Variants in TRDN observed in about 807,000 individuals in gnomAD.
TRDN encodes triadin, also known as triadin in skeletal muscle.
Under a neutral mutation model 149.7 loss-of-function variants are expected in TRDN, and 161 were observed. That is an observed-to-expected ratio of 1.08 (90% CI 0.95 to 1.23). The LOEUF is 1.23. TRDN is among the 50% of genes most tolerant of loss of function. TRDN has a pLI of 0.00. For synonymous variants in TRDN, 294 were observed against 250.5 expected, an observed-to-expected ratio of 1.17 and a Z score of -1.64; for missense variants, 896 against 823.5, an observed-to-expected ratio of 1.09 and a Z score of -1.08.
chr6:123,451,220 C>T (rs1052501468), intron 10 of TRDN, among the ~76,000 whole-genome samples: 5 of 151,628 alleles, frequency 3.3e-5, no homozygotes, highest in African/African-American at 1.2e-4. Context: ...CAAACCCAAA[C>T]CCAGCAGAAG....
At chr6:123,416,262 C>G (rs1450307341) in intron 12 of TRDN, among the ~76,000 whole-genome samples, 9 of 152,156 alleles carry the variant, frequency 5.9e-5, no homozygotes, top group African/African-American at 1.9e-4. Flanking sequence ...TCAGACCTCA[C>G]TCAGGATAAT....
chr6:123,357,128 C>A (rs940405712), intron 20 of TRDN, among the ~76,000 whole-genome samples: 2 of 151,714 alleles, frequency 1.3e-5, no homozygotes, highest in African/African-American at 4.8e-5. Flanking sequence ...TACATTTGTT[C>A]ATTAGATCTC....
At chr6:123,239,695 T>C (rs912890732) in intron 38 of TRDN, among the ~76,000 whole-genome samples, 1 of 152,150 alleles carries the variant, frequency 6.6e-6, no homozygotes, top group East Asian at 1.9e-4. Context: ...ATGCTTAACA[T>C]TGAATTGTAA....
At chr6:123,502,924 T>G in intron 8 of TRDN, 1 of 985,240 alleles carries the variant, frequency 1.0e-6, no homozygotes, top group Non-Finnish European at 1.2e-6. Flanking sequence ...AAAGAAACAT[T>G]CAATAAGGGC....
At chr6:123,272,896 C>T in intron 29 of TRDN, 68 bp downstream of exon 29, 1 of 1,165,778 alleles carries the variant, frequency 8.6e-7, no homozygotes. Context: ...TGACTCTAAA[C>T]TCTTCCTTCT....
At chr6:123,630,056 G>C (rs1056206978) in intron 1 of TRDN, among the ~76,000 whole-genome samples, 1 of 151,900 alleles carries the variant, frequency 6.6e-6, no homozygotes, top group South Asian at 2.1e-4. Context: ...ACTTAACCTT[G>C]ACAAATCTTC....
chr6:123,417,663 T>A (rs1467627075), intron 12 of TRDN, among the ~76,000 whole-genome samples: 1 of 152,154 alleles, frequency 6.6e-6, no homozygotes, highest in African/African-American at 2.4e-5. Flanking sequence ...AAATGCACAA[T>A]GTCAAAGGCA....
chr6:123,328,143 A>G (rs921821165), intron 23 of TRDN, among the ~76,000 whole-genome samples: 3 of 152,220 alleles, frequency 2.0e-5, no homozygotes, highest in Non-Finnish European at 4.4e-5. Flanking sequence ...TGACTAGCCA[A>G]CACAACTTGT....
At chr6:123,589,419 A>T (rs1783673998) in intron 1 of TRDN, among the ~76,000 whole-genome samples, 1 of 152,170 alleles carries the variant, frequency 6.6e-6, no homozygotes, top group African/African-American at 2.4e-5. Flanking sequence ...AAATTGTCCC[A>T]TTGTCATTGA....
rs560115693 is a variant in TRDN at position 123,541,185 on chromosome 6, C to T, written c.424+6155G>A. Among the ~76,000 whole-genome samples the T allele has an allele frequency of 2.0e-5, 3 of 152,134 alleles. No homozygotes were observed. The South Asian group carries it at 6.2e-4, about 31-fold the overall frequency. ...TGAAATTATTCTTGCTCCAGAAGAACTACATAAAATGGTTGGGCCTGAGTT... is the reference window on the plus strand; with the variant it reads ...TGAAATTATTCTTGCTCCAGAAGAATTACATAAAATGGTTGGGCCTGAGTT... On this transcript the variant is annotated intron_variant, in intron 4 of 40. Coordinates refer to ENST00000334268, the MANE Select transcript of TRDN (RefSeq NM_006073.4).
chr6:123,274,914 A>G (rs1286071536), intron 26 of TRDN, among the ~76,000 whole-genome samples: 1 of 152,094 alleles, frequency 6.6e-6, no homozygotes, highest in African/African-American at 2.4e-5. Flanking sequence ...ATGATGGACT[A>G]TTAAACATGA....
intron 40 of TRDN, among the ~76,000 whole-genome samples, chr6:123,219,996 A>G (rs1170424826): frequency 6.6e-6 from 1 of 151,904 alleles, no homozygotes; most frequent in African/African-American, 2.4e-5. Flanking sequence ...TCATTAAAAT[A>G]TTATTATGAC....
intron 5 of TRDN, among the ~76,000 whole-genome samples, 196 bp from the exon 6 acceptor site, chr6:123,516,402 T>C (rs959857485): frequency 2.0e-5 from 3 of 152,084 alleles, no homozygotes. Context: ...TTTTATTTCA[T>C]ATCCAAGCAC....
intron 1 of TRDN, among the ~76,000 whole-genome samples, chr6:123,581,543 C>T (rs1368800321): frequency 2.6e-5 from 4 of 152,090 alleles, no homozygotes; most frequent in East Asian, 3.9e-4. Flanking sequence ...GTTAAATAAC[C>T]TCAATATTTC....
chr6:123,371,113 T>C (rs1479068799), intron 19 of TRDN, among the ~76,000 whole-genome samples: 1 of 152,106 alleles, frequency 6.6e-6, no homozygotes, highest in Non-Finnish European at 1.5e-5. Context: ...TTTGAACATC[T>C]AGTTTTTCAA....
At chr6:123,221,677 T>A (rs1435191958) in intron 39 of TRDN, among the ~76,000 whole-genome samples, 155 bp from the exon 40 acceptor site, 1 of 151,700 alleles carries the variant, frequency 6.6e-6, no homozygotes, top group Non-Finnish European at 1.5e-5. Context: ...ACAGATTCTA[T>A]TCATATTTTC....
intron 9 of TRDN, among the ~76,000 whole-genome samples, chr6:123,469,355 G>T (rs6928828): frequency 0.039 from 5,898 of 152,168 alleles, 334 homozygotes; most frequent in African/African-American, 0.12. Flanking sequence ...CTTAGGGATG[G>T]AAAGAGGAGA....
At chr6:123,571,985 A>G (rs1782605007) in intron 1 of TRDN, among the ~76,000 whole-genome samples, 1 of 152,190 alleles carries the variant, frequency 6.6e-6, no homozygotes, top group African/African-American at 2.4e-5. Context: ...AGTCCTAAAT[A>G]TAGAATTCCT....
At chr6:123,366,019 C>T (rs572033346) in intron 20 of TRDN, 116 bp downstream of exon 20, 118 of 855,804 alleles carry the variant, frequency 1.4e-4, no homozygotes, top group East Asian at 3.3e-4. Flanking sequence ...TCTATATCAA[C>T]GAACTAGTAA....
Sources: gnomAD v4.1 joint callset for allele counts (sites outside exome capture counted in the v4.1 genomes callset) on GRCh38, gnomAD v4.1.1 for gene constraint, MANE v1.5 for transcripts, NCBI Gene and HGNC (gene_info 2026-07-23, HGNC 2026-07-21) for gene names.